The following AGPAT5 variants were observed in gnomAD, a reference collection of about 807,000 sequenced individuals.
AGPAT5 encodes 1-acyl-sn-glycerol-3-phosphate acyltransferase epsilon.
AGPAT5 carries 46 observed loss-of-function variants against 45.6 expected under a neutral mutation model. The observed-to-expected ratio is 1.01, with a 90% CI of 0.80 to 1.29. AGPAT5 has a LOEUF of 1.29. AGPAT5 is among the 50% of genes most tolerant of loss of function. The pLI is 0.00. For missense variants in AGPAT5, 673 were observed against 450.7 expected, an observed-to-expected ratio of 1.49 and a Z score of -4.47; for synonymous variants, 272 against 167.0, an observed-to-expected ratio of 1.63 and a Z score of -4.85.
At chr8:6,709,022 C>G (rs1480035546) in intron 1 of AGPAT5, 135 bp downstream of exon 1, 4 of 833,890 alleles carry the variant, frequency 4.8e-6, no homozygotes, top group East Asian at 2.7e-5. Context: ...GTGCCGCCTC[C>G]CCGCCTTCCT....
intron 1 of AGPAT5, among the ~76,000 whole-genome samples, chr8:6,711,161 T>C (rs1800144945): frequency 6.6e-6 from 1 of 152,250 alleles, no homozygotes; most frequent in Non-Finnish European, 1.5e-5. Flanking sequence ...ACAGTAGTTC[T>C]TGCAGAAGAA....
intron 5 of AGPAT5, among the ~76,000 whole-genome samples, chr8:6,744,744 C>G (rs1298756496): frequency 2.0e-5 from 3 of 152,212 alleles, no homozygotes; most frequent in Admixed American, 2.0e-4. Flanking sequence ...GATTTCTAAT[C>G]TCTCTTTCCT....
At chr8:6,732,790 A>G (rs1168462657) in intron 4 of AGPAT5, 140 bp downstream of exon 4, 1 of 776,864 alleles carries the variant, frequency 1.3e-6, no homozygotes, top group African/African-American at 1.8e-5. Flanking sequence ...AGGTAACAGA[A>G]ACCCTCTATG....
intron 2 of AGPAT5, among the ~76,000 whole-genome samples, chr8:6,727,506 C>A (rs930999307): frequency 6.6e-6 from 1 of 152,054 alleles, no homozygotes; most frequent in South Asian, 2.1e-4. Flanking sequence ...CTCAGCCTCC[C>A]GAGTAGCTGG....
Position 6,755,080 on chromosome 8 carries a change from C to T in AGPAT5, c.775C>T (p.His259Tyr). ...TCTCTGCAAAGAATGTCCAAAAATT[C>T]ATATTCACATTGATCGTATCGACAA... ...EFLCKECPKI[H>Y]IHIDRIDKKD... Residue 259 changes from histidine to tyrosine, a missense_variant, in exon 7 of 8, where the codon CAT becomes TAT. Transcript: ENST00000285518. The T allele has an allele frequency of 1.9e-6, 3 of 1,596,272 alleles. No homozygotes were observed. Among genetic ancestry groups the T allele is most frequent in the South Asian group, 1.2e-5 (1 of 86,332 alleles).
intron 6 of AGPAT5, among the ~76,000 whole-genome samples, chr8:6,752,970 C>G (rs1801706698): frequency 6.6e-6 from 1 of 152,096 alleles, no homozygotes; most frequent in Non-Finnish European, 1.5e-5. Context: ...CTGTTATAGC[C>G]CCACCATGGC....
At chr8:6,725,344 CTTACTATGCTCG>C in intron 2 of AGPAT5, among the ~76,000 whole-genome samples, 1 of 152,298 alleles carries the variant, frequency 6.6e-6, no homozygotes, top group East Asian at 1.9e-4. Flanking sequence ...TACTCGTTTC[CTTACTATGCTCG>C]TCATTTCTAG....
chr8:6,757,012 A>G (rs1188516498), intron 7 of AGPAT5, 151 bp from the exon 8 acceptor site: 4 of 622,474 alleles, frequency 6.4e-6, no homozygotes, highest in Non-Finnish European at 1.1e-5. Context: ...AGAAACTTCT[A>G]TTAAACCAAG....
At chr8:6,754,985 T>G in intron 6 of AGPAT5, 66 bp from the exon 7 acceptor site, 1 of 1,336,884 alleles carries the variant, frequency 7.5e-7, no homozygotes, top group Non-Finnish European at 9.9e-7. Flanking sequence ...TTATTTTCAT[T>G]TTTACTTTAT....
intron 4 of AGPAT5, 99 bp downstream of exon 4, chr8:6,732,749 C>A (rs1049277839): frequency 1.9e-6 from 2 of 1,079,926 alleles, no homozygotes; most frequent in Admixed American, 3.1e-5. Context: ...TGTATTTTCC[C>A]ATGTGTAATT....
chr8:6,712,475 T>G (rs565351327), intron 1 of AGPAT5, among the ~76,000 whole-genome samples: 4 of 152,236 alleles, frequency 2.6e-5, no homozygotes, highest in Admixed American at 6.5e-5. Flanking sequence ...ATACTGGTGT[T>G]TGGTTTGTTT....
chr8:6,718,291 G>A (rs1187955298), intron 1 of AGPAT5, among the ~76,000 whole-genome samples: 4 of 152,236 alleles, frequency 2.6e-5, no homozygotes, highest in African/African-American at 4.8e-5. Flanking sequence ...GTTGCTGTGG[G>A]TGGTAGAGCA....
chr8:6,747,568 G>A (rs557812535), intron 5 of AGPAT5, 102 bp from the exon 6 acceptor site: 6 of 1,096,298 alleles, frequency 5.5e-6, no homozygotes, highest in African/African-American at 1.6e-5. Context: ...AATAGATTCT[G>A]TTGTGTGTGT....
chr8:6,729,502 T>C (rs1052773234), intron 2 of AGPAT5, among the ~76,000 whole-genome samples: 3 of 63,208 alleles, frequency 4.7e-5, no homozygotes, highest in Non-Finnish European at 8.0e-5. Flanking sequence ...ACTAGAGAAG[T>C]CTCCCTTACA....
intron 6 of AGPAT5, among the ~76,000 whole-genome samples, chr8:6,753,109 C>G (rs1434566034): frequency 6.6e-6 from 1 of 152,212 alleles, no homozygotes; most frequent in African/African-American, 2.4e-5. Flanking sequence ...ATGCCGTAAA[C>G]ACATTCTGAG....
rs1330248201 is a variant in AGPAT5, at chr8:6,724,912, A to T, written c.262A>T (p.Ile88Leu). The T allele has an allele frequency of 1.7e-6, 2 of 1,170,384 alleles. No individual in the cohort carries two copies. Among genetic ancestry groups the T allele is most frequent in the Non-Finnish European group, 2.3e-6 (2 of 888,880 alleles). The allele number at this position is 1,170,384 out of a possible 1,614,324, so 72.5% of individuals were successfully genotyped here. Reference sequence around the variant, plus strand: ...TTTGCCAAAAAATAAAGAAAATATAATATATTTAGCAAATCATCAAAGCAC... The same window carrying T: ...TTTGCCAAAAAATAAAGAAAATATATTATATTTAGCAAATCATCAAAGCAC... ...GDLPKNKENI[I>L]YLANHQSTVD... The change falls in exon 2 of 8, where the codon ATA becomes TTA. Residue 88 changes from isoleucine to leucine, a missense_variant. Transcript: ENST00000285518.
chr8:6,727,565 G>C (rs1366381507), intron 2 of AGPAT5, among the ~76,000 whole-genome samples: 1 of 152,146 alleles, frequency 6.6e-6, no homozygotes, highest in Non-Finnish European at 1.5e-5. Flanking sequence ...ATTTTCAGTA[G>C]AGATGGGGTT....
At chr8:6,741,338 G>T (rs963335576) in intron 4 of AGPAT5, among the ~76,000 whole-genome samples, 4 of 152,102 alleles carry the variant, frequency 2.6e-5, no homozygotes, top group African/African-American at 9.7e-5. Flanking sequence ...AAAACTCATT[G>T]AGGCTTTGTA....
Position 6,759,688 on chromosome 8 carries a change from T to C in AGPAT5, c.*2300T>C, listed in dbSNP as rs576322786. ...TAATGGCTGTGCTGTTTAACATTTTTTGACCCTAAAATTCACCAACAGTCT... is the reference window on the plus strand; with the variant it reads ...TAATGGCTGTGCTGTTTAACATTTTCTGACCCTAAAATTCACCAACAGTCT... On this transcript the variant is annotated 3_prime_UTR_variant, in exon 8 of 8. Transcript: ENST00000285518. The C allele has an allele frequency of 6.8e-4, 104 of 152,322 alleles. 2 individuals carry two copies. The highest frequency in any genetic ancestry group is 2.5e-3 in the African/African-American group (103 of 41,570). 9.4% of individuals were successfully genotyped at this position (152,322 alleles called of 1,614,324 possible).
Sources: gnomAD v4.1 joint callset for allele counts (sites outside exome capture counted in the v4.1 genomes callset) on GRCh38, gnomAD v4.1.1 for gene constraint, MANE v1.5 for transcripts, NCBI Gene and HGNC (gene_info 2026-07-23, HGNC 2026-07-21) for gene names.